Variants in NEB observed in about 807,000 individuals in gnomAD.
NEB encodes nemaline myopathy type 2.
A neutral mutation model predicts 952.2 loss-of-function variants in NEB; 512 were observed. The ratio of observed to expected loss-of-function variants is 0.54; its 90% CI spans 0.50 to 0.58. NEB has a LOEUF of 0.58. Ranked by LOEUF, NEB falls within the 20% of genes least tolerant of loss-of-function variation. The pLI, the probability that NEB is intolerant of heterozygous loss-of-function variation, is 0.00. For missense variants in NEB, 8,428 were observed against 9,231.1 expected, an observed-to-expected ratio of 0.91 and a Z score of 3.56; for synonymous variants, 2,900 against 3,149.8, an observed-to-expected ratio of 0.92 and a Z score of 2.66.
intron 30 of NEB, 107 bp downstream of exon 30, chr2:151,680,623 G>A: frequency 2.7e-6 from 2 of 746,982 alleles, no homozygotes; most frequent in South Asian, 4.6e-5. Context: ...TTGTGTAATT[G>A]GGTCTCTTCA....
rs1239862833 is a variant in NEB, at chr2:151,563,906, C to G, written c.18496G>C (p.Gly6166Arg). The change falls in exon 118 of 182, where the codon GGC becomes CGC. Residue 6166 changes from glycine to arginine, a missense_variant. Transcript: ENST00000397345. ...AGGGTGTAGCCATAGGCCTTGGTGC[C>G]CTCCCACGCCCCTTTATACAGTATC... is the stretch of plus-strand genomic sequence containing the variant. ...STILYKGAWE[G>R]TKAYGYTLDE... is the part of the protein sequence containing the mutation. 6.2e-7 allele frequency: 1 copy of G among 1,610,448 alleles called. No individual in the cohort carries two copies. Among genetic ancestry groups the G allele is most frequent in the Admixed American group, 1.7e-5 (1 of 59,364 alleles).
intron 68 of NEB, 140 bp from the exon 69 acceptor site, chr2:151,627,974 C>T: frequency 4.2e-6 from 5 of 1,188,260 alleles, no homozygotes; most frequent in Non-Finnish European, 5.8e-6. Flanking sequence ...ATCTCCTCAT[C>T]CTAAATTCTT....
Position 151,630,756 on chromosome 2 carries a change from C to G in NEB, c.9682G>C (p.Glu3228Gln). The stretch of plus-strand genomic sequence containing the variant: ...TTGTTCTGCCTTGCCAACATAATCT[C>G]TGGTGTATCAGGCATTATGTGAATT... ...TQIHIMPDTP[E>Q]IMLARQNKIN... Residue 3228 changes from glutamate (E) to glutamine (Q), a missense_variant, in exon 67 of 182, where the codon GAG becomes CAG. By Grantham distance (29) the Glu-to-Gln change is conservative. Coordinates refer to ENST00000397345, the MANE Select transcript of NEB (RefSeq NM_001164508.2). The G allele has an allele frequency of 6.2e-7, 1 of 1,611,658 alleles. No homozygotes were observed. The highest frequency in any genetic ancestry group is 8.5e-7 in the Non-Finnish European group (1 of 1,178,822).
At position 151,561,222 on chromosome 2, in the gene NEB, T is replaced by C. The variant is rs746622217; in HGVS notation, c.19087A>G (p.Ile6363Val). The C allele has an allele frequency of 1.2e-6, 2 of 1,607,754 alleles. No homozygotes were observed. The highest frequency in any genetic ancestry group is 2.2e-5 in the East Asian group (1 of 44,676). Residue 6363 changes from isoleucine to valine, a missense_variant, in exon 122 of 182, where the codon ATT becomes GTT. Coordinates refer to ENST00000397345, the MANE Select transcript of NEB (RefSeq NM_001164508.2). ...GGAAGACGCACCTCACTGGCATTAA[T>C]GCCACTCTGAACAGCAGTCACATAG... is the stretch of plus-strand genomic sequence containing the variant. ...PLYVTAVQSG[I>V]NASEVKYKEN...
chr2:151,659,238 T>TGTA, intron 46 of NEB, 69 bp from the exon 47 acceptor site: 1 of 842,704 alleles, frequency 1.2e-6, no homozygotes, highest in Non-Finnish European at 2.0e-6. Context: ...ATACATATCA[T>TGTA]TGTACATATA....
chr2:151,724,154 G>A (rs1286535069), intron 8 of NEB, 106 bp downstream of exon 8: 1 of 894,312 alleles, frequency 1.1e-6, no homozygotes, highest in African/African-American at 1.7e-5. Flanking sequence ...CTCATAAAAA[G>A]ATTGGGGAAT....
At chr2:151,523,733 T>G (rs1169150938) in intron 153 of NEB, among the ~76,000 whole-genome samples, 1 of 152,224 alleles carries the variant, frequency 6.6e-6, no homozygotes, top group Non-Finnish European at 1.5e-5. Flanking sequence ...ATATGAGATC[T>G]GCAAGAATGT....
At chr2:151,729,472 C>G in intron 4 of NEB, 143 bp downstream of exon 4, 1 of 926,002 alleles carries the variant, frequency 1.1e-6, no homozygotes, top group South Asian at 1.5e-5. Context: ...GCTTTCACAC[C>G]AGCTTCTGGG....
rs2099599143 is a variant in NEB, at chr2:151,696,710, T to G, written c.1496A>C (p.Lys499Thr). The G allele has an allele frequency of 6.2e-7, 1 of 1,613,662 alleles. No individual in the cohort carries two copies. The highest frequency in any genetic ancestry group is 1.3e-5 in the African/African-American group (1 of 74,908). Residue 499 changes from lysine to threonine, a missense_variant, in exon 17 of 182, where the codon AAG (lysine) becomes ACG (threonine). By Grantham distance (78) the Lys-to-Thr change is moderately conservative. This residue lies in a region of NEB where 2,851 missense variants were observed against 2,791.5 expected (regional missense o/e 1.02). Coordinates refer to ENST00000397345, the MANE Select transcript of NEB (RefSeq NM_001164508.2). ...GTCTGTAACTTGGGTGAATTTTGTC[T>G]TATCTGGATGGACTTTGTAGGTGTG... is the stretch of plus-strand genomic sequence containing the variant. ...KDHTYKVHPD[K>T]TKFTQVTDSP...
Position 151,630,758 on chromosome 2 carries a change from G to A in NEB, c.9680C>T (p.Pro3227Leu). Residue 3227 changes from proline (P) to leucine (L), a missense_variant, in exon 67 of 182, where the codon CCA becomes CTA. This residue lies in a region of NEB where 1,772 missense variants were observed against 1,960.3 expected (regional missense o/e 0.90). Transcript: ENST00000397345. ...KTQIHIMPDTPEIMLARQNKI... is the reference protein window; with the variant it reads ...KTQIHIMPDTLEIMLARQNKI... Reference sequence around the variant, plus strand: ...GTTCTGCCTTGCCAACATAATCTCTGGTGTATCAGGCATTATGTGAATTTG... The same window carrying A: ...GTTCTGCCTTGCCAACATAATCTCTAGTGTATCAGGCATTATGTGAATTTG... The A allele has an allele frequency of 1.9e-6, 3 of 1,611,470 alleles. No homozygotes were observed. The highest frequency in any genetic ancestry group is 2.5e-6 in the Non-Finnish European group (3 of 1,178,744).
chr2:151,691,687 A>C (rs984129324), intron 23 of NEB, among the ~76,000 whole-genome samples, 177 bp downstream of exon 23: 4 of 152,210 alleles, frequency 2.6e-5, no homozygotes, highest in African/African-American at 9.6e-5. Flanking sequence ...TTTTGTAGCA[A>C]ATGGCCTTCC....
intron 159 of NEB, among the ~76,000 whole-genome samples, chr2:151,514,043 G>C (rs1433017647): frequency 6.6e-6 from 1 of 152,198 alleles, no homozygotes; most frequent in Non-Finnish European, 1.5e-5. Context: ...GTGTTTTCGT[G>C]TAGATGAGCA....
At chr2:151,510,493 C>T (rs896695277) in intron 161 of NEB, among the ~76,000 whole-genome samples, 48 of 152,324 alleles carry the variant, frequency 3.2e-4, no homozygotes, top group African/African-American at 1.2e-3. Context: ...ACAGTAGTCC[C>T]CACTTATCTG....
chr2:151,565,074 G>T lies in NEB; in HGVS notation c.18441C>A (p.His6147Gln), dbSNP rs1330949088. The change falls in exon 117 of 182, where the codon CAC becomes CAA. Residue 6147 changes from histidine to glutamine, a missense_variant. Around this residue, in one of 11 missense-constraint regions of NEB, gnomAD observed 3,374 missense variants for 3,651.5 expected, o/e 0.92. Transcript: ENST00000397345. ...TGTAGAGTTTTCCCATGTCTTTGGAGTGGGAGATATGTGGTGTATCTGGTG... is the reference window on the plus strand; with the variant it reads ...TGTAGAGTTTTCCCATGTCTTTGGATTGGGAGATATGTGGTGTATCTGGTG... ...TFSPDTPHIS[H>Q]SKDMGKLYST... is the part of the protein sequence containing the mutation. 1 of 1,594,552 alleles carries T rather than the reference G, an allele frequency of 6.3e-7. No homozygotes were observed. Among genetic ancestry groups the T allele is most frequent in the East Asian group, 2.2e-5 (1 of 44,658 alleles).
intron 72 of NEB, among the ~76,000 whole-genome samples, chr2:151,620,381 ATATATATATATT>A (rs1160800520): frequency 1.4e-4 from 20 of 137,936 alleles, no homozygotes; most frequent in Admixed American, 4.2e-4. Context: ...ATATATATAT[ATATATATATATT>A]TAACCAGAAT....
At chr2:151,550,199 TGA>T (rs979161604) in intron 129 of NEB, among the ~76,000 whole-genome samples, 3 of 146,986 alleles carry the variant, frequency 2.0e-5, no homozygotes, top group Non-Finnish European at 4.4e-5. Flanking sequence ...CCCAGGAATT[TGA>T]GATTGCAGTG....
At position 151,680,006 on chromosome 2, in the gene NEB, T is replaced by C; in HGVS notation, c.3059A>G (p.Lys1020Arg). ...GTATTTGTGAATAATTTCCTCTCCT[T>C]TGGCTTTGTAAGCGATCTGAAAGAG... The part of the protein sequence containing the change: ...AQRSDIAYKA[K>R]GEEIIHKYNL... The change falls in exon 31 of 182, where the codon AAA becomes AGA. Residue 1020 changes from lysine to arginine, a missense_variant. Transcript: ENST00000397345. 3.7e-6 allele frequency: 6 copies of C among 1,611,704 alleles called. No individual in the cohort carries two copies. Among genetic ancestry groups the C allele is most frequent in the Non-Finnish European group, 5.1e-6 (6 of 1,177,796 alleles).
chr2:151,562,006 C>CTACA, intron 121 of NEB, 104 bp downstream of exon 121: 2 of 862,160 alleles, frequency 2.3e-6, no homozygotes, highest in Admixed American at 3.6e-5. Flanking sequence ...CAGTTAGAGC[C>CTACA]TACACTGTTA....
chr2:151,559,206 G>A (rs900735146), intron 124 of NEB, among the ~76,000 whole-genome samples: 6 of 152,184 alleles, frequency 3.9e-5, no homozygotes, highest in African/African-American at 1.4e-4. Flanking sequence ...ATCATCACTG[G>A]TCATTAGAGA....
Sources: allele counts gnomAD v4.1 joint callset (sites outside exome capture counted in the v4.1 genomes callset), GRCh38; gene constraint gnomAD v4.1.1; regional missense constraint gnomAD v4.1.1; transcripts MANE v1.5; gene names NCBI Gene and HGNC (gene_info 2026-07-23, HGNC 2026-07-21).